Variants in OTC observed in about 807,000 individuals in gnomAD.
OTC encodes ornithine transcarbamylase, mitochondrial.
OTC carries 3 observed loss-of-function variants against 30.3 expected under a neutral mutation model. The ratio of observed to expected loss-of-function variants is 0.10; its 90% CI spans 0.05 to 0.26. The LOEUF is 0.26. Among genes scored for constraint, OTC ranks in the 10% least tolerant of loss-of-function variants. The pLI is 1.00. For missense variants in OTC, 194 were observed against 260.3 expected, an observed-to-expected ratio of 0.75 and a Z score of 1.75; for synonymous variants, 111 against 99.7, an observed-to-expected ratio of 1.11 and a Z score of -0.67.
chrX:38,398,920 C>G (rs1163291835), intron 4 of OTC, among the ~76,000 whole-genome samples: 1 of 111,542 alleles, frequency 9.0e-6, no homozygotes, highest in South Asian at 3.8e-4. Context: ...AGGGTAGTTG[C>G]TTCTCTAACG....
At chrX:38,367,629 G>A (rs985421337) in intron 2 of OTC, among the ~76,000 whole-genome samples, 200 bp downstream of exon 2, 4 of 112,088 alleles carry the variant, frequency 3.6e-5, no homozygotes, top group Non-Finnish European at 7.5e-5. Context: ...TGAATGACAA[G>A]TCATTGCACT....
intron 1 of OTC, among the ~76,000 whole-genome samples, chrX:38,359,641 G>C (rs957161699): frequency 9.1e-6 from 1 of 110,227 alleles, no homozygotes; most frequent in African/African-American, 3.3e-5. Context: ...GGCTGGTCTC[G>C]AACTCCTGAC....
intron 3 of OTC, chrX:38,373,657 A>G (rs2068332667): frequency 8.9e-6 from 1 of 112,215 alleles, no homozygotes. Context: ...AAAGATGCCA[A>G]TGTAAAAATT....
At chrX:38,371,288 C>G (rs2068321674) in intron 3 of OTC, among the ~76,000 whole-genome samples, 1 of 110,761 alleles carries the variant, frequency 9.0e-6, no homozygotes, top group South Asian at 3.9e-4. Flanking sequence ...ATTTTTTTTC[C>G]TCAAGCTATT....
Position 38,363,210 on chromosome X carries a change from A to C in OTC, c.78-4081A>C, listed in dbSNP as rs1444032177. Among the ~76,000 whole-genome samples, 3 of 111,984 alleles carry C rather than the reference A, an allele frequency of 2.7e-5. No individual in the cohort carries two copies. In the East Asian group the frequency reaches 8.3e-4, roughly 31 times the overall value. ...GTTGATGGATGTGAGTTCAACAGCT[A>C]TAGTGATGTTTCTCAAATTCCTTGA... On this transcript the variant is annotated intron_variant, in intron 1 of 9. Coordinates refer to ENST00000039007, the MANE Select transcript of OTC (RefSeq NM_000531.6).
the OTC span, among the ~76,000 whole-genome samples, chrX:38,333,925 T>G: frequency 8.9e-6 from 1 of 112,408 alleles, no homozygotes; most frequent in African/African-American, 3.2e-5. Flanking sequence ...AGTTCTAGGA[T>G]ATATGATTTG....
chrX:38,361,888 CACTAAATATTAAGGTTACTTT>C (rs1482268618), intron 1 of OTC, among the ~76,000 whole-genome samples: 2 of 111,419 alleles, frequency 1.8e-5, no homozygotes, highest in African/African-American at 3.3e-5. Flanking sequence ...ACAATTTTCC[CACTAAATATTAAGGTTACTTT>C]ACATGGCTTC....
chrX:38,382,880 T>C (rs1356920994), intron 4 of OTC, among the ~76,000 whole-genome samples: 1 of 111,575 alleles, frequency 9.0e-6, no homozygotes, highest in African/African-American at 3.3e-5. Flanking sequence ...AGTTGAGCAG[T>C]GCAGGTTGGC....
At position 38,381,388 on chromosome X, in the gene OTC, T is replaced by C. The variant is rs755849455; in HGVS notation, c.345T>C (p.Asp115=). The change falls in exon 4 of 10, where the codon GAT becomes GAC. Residue 115 remains aspartate, a synonymous_variant. Coordinates refer to ENST00000039007, the MANE Select transcript of OTC (RefSeq NM_000531.6). ...ATCCTTGTTTTCTTACCACACAAGA[T>C]ATTCATTTGGGTGTGAATGAAAGTC... The part of the protein sequence containing the change: ...GGHPCFLTTQ[D]IHLGVNESLT... 5 of 1,203,893 alleles carry C rather than the reference T, an allele frequency of 4.2e-6. No individual in the cohort carries two copies. Among genetic ancestry groups the C allele is most frequent in the Non-Finnish European group, 5.6e-6 (5 of 888,198 alleles).
chrX:38,412,348 T>G (rs2068548342), intron 9 of OTC, among the ~76,000 whole-genome samples: 1 of 112,123 alleles, frequency 8.9e-6, no homozygotes, highest in South Asian at 3.7e-4. Flanking sequence ...CCTAATTCAG[T>G]TCCTGTATAA....
chrX:38,339,529 T>A, the OTC span, among the ~76,000 whole-genome samples: 2 of 24,451 alleles, frequency 8.2e-5, no homozygotes, highest in Non-Finnish European at 1.4e-4. Context: ...TACCCAATAG[T>A]TTTTTTTTTT....
chrX:38,376,225 C>T (rs969632047), intron 3 of OTC, among the ~76,000 whole-genome samples: 16 of 111,224 alleles, frequency 1.4e-4, no homozygotes, highest in Non-Finnish European at 5.7e-5. Flanking sequence ...GAACAAAGAG[C>T]TTTGCTGCAA....
chrX:38,346,448 CTAGA>C, the OTC span, among the ~76,000 whole-genome samples: 1 of 112,233 alleles, frequency 8.9e-6, no homozygotes, highest in Non-Finnish European at 1.9e-5. Flanking sequence ...TATTCTACTC[CTAGA>C]TAGTTACCCT....
intron 2 of OTC, 42 bp downstream of exon 2, chrX:38,367,471 C>T (rs2068302761): frequency 8.9e-7 from 1 of 1,127,158 alleles, no homozygotes; most frequent in African/African-American, 1.8e-5. Context: ...CTACCAGTCC[C>T]CTTTTTTTAA....
At chrX:38,368,918 C>T (rs2068310160) in intron 2 of OTC, among the ~76,000 whole-genome samples, 1 of 108,161 alleles carries the variant, frequency 9.2e-6, no homozygotes, top group South Asian at 4.2e-4. Context: ...ATCAGGAAGC[C>T]CATCTACAGA....
intron 8 of OTC, among the ~76,000 whole-genome samples, chrX:38,410,568 A>G (rs1256727131): frequency 2.7e-5 from 3 of 111,923 alleles, no homozygotes; most frequent in African/African-American, 9.7e-5. Context: ...TTTTTTCTAT[A>G]AATTGCTATT....
chrX:38,356,590 G>A (rs1470001141), intron 1 of OTC, among the ~76,000 whole-genome samples: 1 of 111,520 alleles, frequency 9.0e-6, no homozygotes, highest in Non-Finnish European at 1.9e-5. Context: ...CACTCCAAAA[G>A]GTGCAGTGCG....
chrX:38,386,725 C>T (rs1459639982), intron 4 of OTC, among the ~76,000 whole-genome samples: 1 of 112,213 alleles, frequency 8.9e-6, no homozygotes, highest in Non-Finnish European at 1.9e-5. Flanking sequence ...TAGGTTGTTT[C>T]CACTTATTGG....
rs766735977 is a variant in OTC, at chrX:38,401,337, C to A, written c.449C>A (p.Thr150Asn). The change falls in exon 5 of 10, where the codon ACC (threonine) becomes AAC (asparagine). Residue 150 changes from threonine (T) to asparagine (N), a missense_variant. Transcript: ENST00000039007. Reference sequence around the variant, plus strand: ...GTGTATAAACAATCAGATTTGGACACCCTGGCTAAAGAAGCATCCATCCCA... The same window carrying A: ...GTGTATAAACAATCAGATTTGGACAACCTGGCTAAAGAAGCATCCATCCCA... ...ARVYKQSDLD[T>N]LAKEASIPII... The A allele has an allele frequency of 7.5e-6, 9 of 1,195,319 alleles. No individual in the cohort carries two copies. The African/African-American group carries it at 8.8e-5, about 12-fold the overall frequency.
Sources: gnomAD v4.1 joint callset for allele counts (sites outside exome capture counted in the v4.1 genomes callset) on GRCh38, gnomAD v4.1.1 for gene constraint, MANE v1.5 for transcripts, NCBI Gene and HGNC (gene_info 2026-07-23, HGNC 2026-07-21) for gene names.